Variants in GALNTL6 observed in about 807,000 individuals in gnomAD.
GALNTL6 encodes polypeptide N-acetylgalactosaminyltransferase like 6.
A neutral mutation model predicts 73.7 loss-of-function variants in GALNTL6; 46 were observed. The ratio of observed to expected loss-of-function variants is 0.62; its 90% CI spans 0.49 to 0.80. The LOEUF (loss-of-function observed/expected upper bound fraction) is 0.80. GALNTL6 is among the 30% of genes least tolerant of loss of function. The pLI, the probability that GALNTL6 is intolerant of heterozygous loss-of-function variation, is 0.00. For synonymous variants in GALNTL6, 259 were observed against 263.7 expected, an observed-to-expected ratio of 0.98 and a Z score of 0.17; for missense variants, 604 against 755.0, an observed-to-expected ratio of 0.80 and a Z score of 2.34.
intron 2 of GALNTL6, among the ~76,000 whole-genome samples, chr4:171,997,346 A>T (rs1020042914): frequency 3.9e-5 from 6 of 152,160 alleles, no homozygotes; most frequent in African/African-American, 1.4e-4. Flanking sequence ...AAGTTACTTT[A>T]TGAAGAGAAG....
chr4:171,840,950 T>C (rs950107170), intron 2 of GALNTL6, among the ~76,000 whole-genome samples: 6 of 152,172 alleles, frequency 3.9e-5, no homozygotes, highest in African/African-American at 1.4e-4. Flanking sequence ...CAAAAGAAGA[T>C]GCATGCACCC....
At position 173,041,285 on chromosome 4, in the gene GALNTL6, G is replaced by C. The variant is rs1279906316; in HGVS notation, c.*1185G>C. 1 of 150,808 alleles carries C rather than the reference G, an allele frequency of 6.6e-6. No individual in the cohort carries two copies. The allele number at this position is 150,808 out of a possible 1,614,324, so 9.3% of individuals were successfully genotyped here. Reference sequence around the variant, plus strand: ...GAATTACCATTAATAAAGTGTTTCTGACACCATTTTCTGTTAATGGGACAA... The same window carrying C: ...GAATTACCATTAATAAAGTGTTTCTCACACCATTTTCTGTTAATGGGACAA... On this transcript the variant is annotated 3_prime_UTR_variant, in exon 13 of 13. Transcript: ENST00000506823.
At chr4:171,984,002 A>G (rs1739992184) in intron 2 of GALNTL6, among the ~76,000 whole-genome samples, 1 of 152,150 alleles carries the variant, frequency 6.6e-6, no homozygotes. Flanking sequence ...GCATCTCAGG[A>G]CAGGTAGTGC....
At chr4:172,081,531 A>G (rs1731878929) in intron 2 of GALNTL6, among the ~76,000 whole-genome samples, 1 of 152,200 alleles carries the variant, frequency 6.6e-6, no homozygotes, top group African/African-American at 2.4e-5. Context: ...CCACCTACTC[A>G]GGAGACTGAG....
rs1187017084 is a variant in GALNTL6 at position 172,952,177 on chromosome 4, C to T, written c.1290C>T (p.Phe430=). The change falls in exon 10 of 13, where the codon TTC becomes TTT. Residue 430 remains phenylalanine, a synonymous_variant. Transcript: ENST00000506823. ...GCAAGCAGCTCAAGTGCAAGGACTT[C>T]AAATGGTTCATGGCTGCTGTGGCCT... The part of the protein sequence containing the change: ...ELRKQLKCKD[F]KWFMAAVAWD... 6.2e-7 allele frequency: 1 copy of T among 1,613,960 alleles called. No individual in the cohort carries two copies. The highest frequency in any genetic ancestry group is 8.5e-7 in the Non-Finnish European group (1 of 1,180,010).
chr4:172,677,936 T>G (rs868341435), intron 5 of GALNTL6, among the ~76,000 whole-genome samples: 7 of 151,954 alleles, frequency 4.6e-5, no homozygotes, highest in Admixed American at 2.0e-4. Flanking sequence ...GGAGCAAATG[T>G]GTTGAGAAGG....
At chr4:172,928,954 C>G (rs1405929758) in intron 8 of GALNTL6, among the ~76,000 whole-genome samples, 2 of 152,184 alleles carry the variant, frequency 1.3e-5, no homozygotes, top group African/African-American at 2.4e-5. Context: ...GCTACTCAGT[C>G]TTTTTCCACA....
intron 11 of GALNTL6, among the ~76,000 whole-genome samples, chr4:173,021,197 C>T (rs903803739): frequency 6.6e-6 from 1 of 152,194 alleles, no homozygotes; most frequent in Non-Finnish European, 1.5e-5. Flanking sequence ...CCCCTCCCTG[C>T]ATCTCTTTTT....
intron 2 of GALNTL6, among the ~76,000 whole-genome samples, chr4:171,885,097 T>C (rs1736571880): frequency 6.6e-6 from 1 of 151,588 alleles, no homozygotes; most frequent in Non-Finnish European, 1.5e-5. Flanking sequence ...TGTTATTTAG[T>C]GTAAAATTAA....
intron 8 of GALNTL6, among the ~76,000 whole-genome samples, chr4:172,910,212 A>G (rs1012872669): frequency 1.3e-5 from 2 of 152,192 alleles, no homozygotes; most frequent in East Asian, 3.8e-4. Context: ...TCGAAAGCCT[A>G]TTATGTGAAA....
intron 5 of GALNTL6, among the ~76,000 whole-genome samples, chr4:172,424,675 G>A (rs1247810273): frequency 1.3e-5 from 2 of 151,938 alleles, no homozygotes; most frequent in South Asian, 4.1e-4. Context: ...AGAACTCCAC[G>A]GTTGCCCTGA....
rs1213349761 is a variant in GALNTL6, at chr4:172,132,544, C to CA, written c.139-97111dup. Among the ~76,000 whole-genome samples the CA allele has an allele frequency of 2.6e-5, 4 of 152,042 alleles. No individual in the cohort carries two copies. In the East Asian group the frequency reaches 7.7e-4, roughly 29 times the overall value. On this transcript the variant is annotated intron_variant, in intron 2 of 12. Coordinates refer to ENST00000506823, the MANE Select transcript of GALNTL6 (RefSeq NM_001034845.3). ...AAATATTGTGGTATGTATGAGTGTG[C>CA]ACGTGTGCATGTACCTGTGCCTGCA...
chr4:172,833,034 G>A (rs868598044), intron 7 of GALNTL6, among the ~76,000 whole-genome samples: 15 of 151,354 alleles, frequency 9.9e-5, no homozygotes, highest in African/African-American at 2.7e-4. Flanking sequence ...GTGATTGGCA[G>A]CCCCACAGAA....
rs575821122 is a variant in GALNTL6, at chr4:172,689,897, C to T, written c.554-119464C>T. Among the ~76,000 whole-genome samples, 24 of 151,630 alleles carry T rather than the reference C, an allele frequency of 1.6e-4. 1 individual carries two copies. The highest frequency in any genetic ancestry group is 1.2e-3 in the South Asian group (6 of 4,818). ...GACAACATGTCTTTCAGCTAAAGCT[C>T]GTGATTTTTAAAAAAAAATCAAAAC... On this transcript the variant is annotated intron_variant, in intron 5 of 12. Transcript: ENST00000506823.
chr4:172,109,627 C>T (rs1028370360), intron 2 of GALNTL6, among the ~76,000 whole-genome samples: 4 of 152,206 alleles, frequency 2.6e-5, no homozygotes, highest in Admixed American at 2.0e-4. Flanking sequence ...AAATGTCAAC[C>T]TCTCAGCAAT....
chr4:172,631,230 C>T (rs972373399), intron 5 of GALNTL6, among the ~76,000 whole-genome samples: 4 of 151,920 alleles, frequency 2.6e-5, no homozygotes, highest in African/African-American at 4.8e-5. Flanking sequence ...CAACCTCCTC[C>T]GCCTCCCGGG....
At chr4:173,032,272 AC>A (rs1472984971) in intron 12 of GALNTL6, among the ~76,000 whole-genome samples, 1 of 152,046 alleles carries the variant, frequency 6.6e-6, no homozygotes, top group Non-Finnish European at 1.5e-5. Flanking sequence ...ACACGGTGAA[AC>A]CCCGTCTCTA....
At chr4:172,693,073 A>G (rs764371302) in intron 5 of GALNTL6, among the ~76,000 whole-genome samples, 1 of 152,240 alleles carries the variant, frequency 6.6e-6, no homozygotes, top group Non-Finnish European at 1.5e-5. Context: ...AAATATGCAT[A>G]AAATGGAAGA....
intron 5 of GALNTL6, among the ~76,000 whole-genome samples, chr4:172,586,444 A>G (rs1384242260): frequency 6.6e-6 from 1 of 151,196 alleles, no homozygotes; most frequent in Non-Finnish European, 1.5e-5. Flanking sequence ...CCAATGAAAT[A>G]CTTACCAACA....
Sources: gnomAD v4.1 joint callset for allele counts (sites outside exome capture counted in the v4.1 genomes callset) on GRCh38, gnomAD v4.1.1 for gene constraint, MANE v1.5 for transcripts, NCBI Gene and HGNC (gene_info 2026-07-23, HGNC 2026-07-21) for gene names.